The following PTPRD variants were observed in gnomAD, a reference collection of about 807,000 sequenced individuals.
PTPRD encodes protein tyrosine phosphatase receptor type D.
Under a neutral mutation model 214.5 loss-of-function variants are expected in PTPRD, and 34 were observed. That is an observed-to-expected ratio of 0.16 (90% CI 0.12 to 0.21). The LOEUF is 0.21. Ranked by LOEUF, PTPRD falls within the 10% of genes least tolerant of loss-of-function variation. PTPRD has a pLI of 1.00. For missense variants in PTPRD, 2,545 were observed against 2,398.7 expected (o/e 1.06, Z -1.27); for synonymous variants, 1,128 against 845.7 (o/e 1.33, Z -5.79).
At chr9:10,039,915 C>A (rs1251742100) in intron 3 of PTPRD, among the ~76,000 whole-genome samples, 2 of 152,032 alleles carry the variant, frequency 1.3e-5, no homozygotes, top group East Asian at 3.9e-4. Context: ...TTGAGCTTCA[C>A]AATTTTAATT....
chr9:8,420,031 A>G lies in PTPRD; in HGVS notation c.4087-15371T>C, dbSNP rs573221140. Among the ~76,000 whole-genome samples the G allele has an allele frequency of 6.0e-4, 91 of 152,264 alleles. 1 individual carries two copies. Among genetic ancestry groups the G allele is most frequent in the African/African-American group, 2.2e-3 (90 of 41,568 alleles). ...GAGTGTCAGAAAAAGAAGAAATCCC[A>G]TCACCCCTCACATGGTACATGTAAC... On this transcript the variant is annotated intron_variant, in intron 35 of 45. Coordinates refer to ENST00000381196, the MANE Select transcript of PTPRD (RefSeq NM_002839.4).
intron 5 of PTPRD, among the ~76,000 whole-genome samples, chr9:9,810,133 T>TAAAAAAAAAAA (rs3050106): frequency 4.6e-5 from 5 of 108,540 alleles, no homozygotes; most frequent in African/African-American, 1.7e-4. Flanking sequence ...ACTTCCAGGT[T>TAAAAAAAAAAA]AAAAAAAAAA....
At chr9:10,196,756 G>C (rs898397924) in intron 3 of PTPRD, among the ~76,000 whole-genome samples, 1 of 152,080 alleles carries the variant, frequency 6.6e-6, no homozygotes, top group Admixed American at 6.6e-5. Context: ...CTGAATGTTT[G>C]CATACCCCCA....
At chr9:9,720,859 G>C (rs1387957570) in intron 7 of PTPRD, among the ~76,000 whole-genome samples, 1 of 152,134 alleles carries the variant, frequency 6.6e-6, no homozygotes, top group African/African-American at 2.4e-5. Flanking sequence ...GGATGGAGTG[G>C]AGGATGTTAT....
intron 9 of PTPRD, among the ~76,000 whole-genome samples, chr9:9,305,553 C>T (rs575093231): frequency 6.6e-5 from 10 of 152,048 alleles, no homozygotes; most frequent in East Asian, 3.9e-4. Context: ...GATTCAATAG[C>T]GCCTCTCTCT....
intron 5 of PTPRD, among the ~76,000 whole-genome samples, chr9:9,915,532 A>C (rs759770355): frequency 6.6e-6 from 1 of 151,920 alleles, no homozygotes; most frequent in African/African-American, 2.4e-5. Flanking sequence ...AAAGAGATAG[A>C]TATCATTAAA....
chr9:9,227,415 C>T (rs142693908), intron 9 of PTPRD, among the ~76,000 whole-genome samples: 1 of 152,234 alleles, frequency 6.6e-6, no homozygotes, highest in East Asian at 1.9e-4. Flanking sequence ...GAAATCCCAT[C>T]AGCTATCTGG....
intron 14 of PTPRD, among the ~76,000 whole-genome samples, chr9:8,595,361 T>G (rs965971484): frequency 1.3e-5 from 2 of 152,220 alleles, no homozygotes; most frequent in African/African-American, 2.4e-5. Flanking sequence ...CAATCAAAGC[T>G]TATTTGAACC....
chr9:9,859,482 A>C (rs1171543302), intron 5 of PTPRD, among the ~76,000 whole-genome samples: 3 of 152,190 alleles, frequency 2.0e-5, no homozygotes, highest in Admixed American at 2.0e-4. Context: ...TATGTTATGC[A>C]TTATTTAACA....
chr9:10,084,061 C>T (rs1443553790), intron 3 of PTPRD, among the ~76,000 whole-genome samples: 2 of 151,872 alleles, frequency 1.3e-5, no homozygotes, highest in Non-Finnish European at 2.9e-5. Context: ...CTCTATATCC[C>T]AATTTTAGAA....
At chr9:9,970,747 G>A (rs7870939) in intron 4 of PTPRD, among the ~76,000 whole-genome samples, 129,440 of 152,154 alleles carry the variant, frequency 0.85, 56,025 homozygotes, top group African/African-American at 0.96. Flanking sequence ...AGGCTTAGCT[G>A]AATGGGAAGG....
At chr9:8,940,692 C>T (rs1465174900) in intron 11 of PTPRD, among the ~76,000 whole-genome samples, 1 of 151,970 alleles carries the variant, frequency 6.6e-6, no homozygotes, top group Non-Finnish European at 1.5e-5. Context: ...TAATGGTTGA[C>T]CTGCTGGTTG....
At chr9:8,622,478 T>C (rs2095853276) in intron 14 of PTPRD, among the ~76,000 whole-genome samples, 1 of 151,984 alleles carries the variant, frequency 6.6e-6, no homozygotes, top group South Asian at 2.1e-4. Context: ...GAGAGCACTT[T>C]TCTTCTAAAA....
chr9:10,454,848 T>C (rs769603787), intron 2 of PTPRD, among the ~76,000 whole-genome samples: 3 of 151,062 alleles, frequency 2.0e-5, no homozygotes, highest in Admixed American at 1.3e-4. Context: ...CACACACACA[T>C]ATAATAGAAA....
At chr9:9,764,451 A>G (rs2098690037) in intron 6 of PTPRD, among the ~76,000 whole-genome samples, 2 of 152,200 alleles carry the variant, frequency 1.3e-5, no homozygotes, top group Non-Finnish European at 2.9e-5. Context: ...AAGAGTGCCC[A>G]CCTAAAAAGA....
chr9:9,976,613 C>T (rs1587954843), intron 4 of PTPRD, among the ~76,000 whole-genome samples: 1 of 146,118 alleles, frequency 6.8e-6, no homozygotes, highest in Non-Finnish European at 1.5e-5. Flanking sequence ...GTCTCAAAGT[C>T]CTAACCTCAG....
At position 8,316,176 on chromosome 9, in the gene PTPRD, A is replaced by G. The variant is rs1264932133; in HGVS notation, c.*1698T>C. The G allele has an allele frequency of 8.7e-6, 2 of 229,662 alleles. No individual in the cohort carries two copies. Among genetic ancestry groups the G allele is most frequent in the Non-Finnish European group, 1.7e-5 (2 of 115,636 alleles). The allele number at this position is 229,662 out of a possible 1,614,324, so 14.2% of individuals were successfully genotyped here. On this transcript the variant is annotated 3_prime_UTR_variant, in exon 46 of 46. Transcript: ENST00000381196. ...AGTGCTTTGGGCTGGTACAATCACT[A>G]ACATCCCCGACTTGGCTGAAAACTA...
intron 11 of PTPRD, among the ~76,000 whole-genome samples, chr9:8,937,843 T>G (rs1458657830): frequency 2.0e-5 from 3 of 152,208 alleles, no homozygotes; most frequent in Non-Finnish European, 4.4e-5. Flanking sequence ...GGCTACATTT[T>G]GTTAACTGAT....
intron 11 of PTPRD, among the ~76,000 whole-genome samples, chr9:8,815,018 C>A (rs1372701527): frequency 6.6e-6 from 1 of 152,146 alleles, no homozygotes; most frequent in Admixed American, 6.5e-5. Context: ...ATAGCCAAAT[C>A]TGTCTCAGCT....
Sources: allele counts gnomAD v4.1 joint callset (sites outside exome capture counted in the v4.1 genomes callset), GRCh38; gene constraint gnomAD v4.1.1; transcripts MANE v1.5; gene names NCBI Gene and HGNC (gene_info 2026-07-23, HGNC 2026-07-21).